PKD1L1: variants seen among roughly 807,000 people sequenced by gnomAD.
PKD1L1 encodes polycystin 1 like 1, transient receptor potential channel interacting.
PKD1L1 carries 236 observed loss-of-function variants against 323.4 expected under a neutral mutation model. The observed-to-expected ratio is 0.73, with a 90% CI of 0.66 to 0.81. The LOEUF (loss-of-function observed/expected upper bound fraction) is 0.81, where lower values mean the gene tolerates loss of function less well. Ranked by LOEUF, PKD1L1 falls within the 40% of genes least tolerant of loss-of-function variation. The pLI, the probability that PKD1L1 is intolerant of heterozygous loss-of-function variation, is 0.00. For missense variants in PKD1L1, 3,320 were observed against 3,508.0 expected (o/e 0.95, Z 1.35); for synonymous variants, 1,344 against 1,335.0 (o/e 1.01, Z -0.15).
At chr7:47,863,550 G>C (rs72601616) in intron 26 of PKD1L1, among the ~76,000 whole-genome samples, 9,818 of 152,104 alleles carry the variant, frequency 0.065, 382 homozygotes, top group Non-Finnish European at 0.071. Flanking sequence ...AAATCATGTC[G>C]TGAAGCCTAG....
In PKD1L1 at chr7:47,836,956, GAC is replaced by G. The variant is rs1394463315; in HGVS notation, c.5906_5907del (p.Cys1969SerfsTer64). 6.2e-7 allele frequency: 1 copy of G among 1,614,166 alleles called. No homozygotes were observed. The highest frequency in any genetic ancestry group is 8.5e-7 in the Non-Finnish European group (1 of 1,180,020). ...VSFSLLCVYA[C>X]LTALVAAGGQ... ...CCTCCAGCAGCAACCAGGGCAGTGAGACACGCGTAGACGCACAGCAGGGAGAA... is the reference window on the plus strand; with the variant it reads ...CCTCCAGCAGCAACCAGGGCAGTGAGACGCGTAGACGCACAGCAGGGAGAA... On this transcript the variant is annotated frameshift_variant, in exon 37 of 57. Transcript: ENST00000289672. LOFTEE classifies it high-confidence loss of function.
chr7:47,929,541 G>C lies in PKD1L1; in HGVS notation c.738-15C>G, dbSNP rs543134152. 5.6e-6 allele frequency: 9 copies of C among 1,600,140 alleles called. No individual in the cohort carries two copies. The East Asian group carries it at 2.0e-4, about 36-fold the overall frequency. ...GGCCGTGGGAGCTGTGGGAGAGAGG[G>C]AGAGGCTTCAGATTTCATGACAGTG... On this transcript the variant is annotated splice_polypyrimidine_tract_variant and intron_variant, in intron 6 of 56. Coordinates refer to ENST00000289672, the MANE Select transcript of PKD1L1 (RefSeq NM_138295.5).
At chr7:47,928,931 G>A (rs1787706405) in intron 7 of PKD1L1, among the ~76,000 whole-genome samples, 1 of 152,072 alleles carries the variant, frequency 6.6e-6, no homozygotes, top group African/African-American at 2.4e-5. Context: ...GGGACCTCAG[G>A]GCAAGTCCCC....
At chr7:47,890,519 G>A (rs1786787633) in intron 16 of PKD1L1, 23 bp downstream of exon 16, 2 of 1,608,144 alleles carry the variant, frequency 1.2e-6, no homozygotes. Context: ...GAGCTGAGCT[G>A]TGCTGAATAC....
chr7:47,924,483 AT>A (rs1430847228), intron 7 of PKD1L1, among the ~76,000 whole-genome samples: 1 of 152,192 alleles, frequency 6.6e-6, no homozygotes, highest in Admixed American at 6.5e-5. Context: ...AAAGTTACAC[AT>A]TTTGCAACCC....
chr7:47,873,750 T>C, intron 24 of PKD1L1, 149 bp downstream of exon 24: 1 of 561,522 alleles, frequency 1.8e-6, no homozygotes, highest in Non-Finnish European at 3.1e-6. Context: ...AGGATTGCAG[T>C]GATAGCACCC....
At chr7:47,815,225 T>A (rs1447293063) in intron 47 of PKD1L1, 109 bp downstream of exon 47, 20 of 1,396,958 alleles carry the variant, frequency 1.4e-5, no homozygotes, top group Non-Finnish European at 1.3e-5. Flanking sequence ...ACCTGCATGG[T>A]CATTCAAGAA....
chr7:47,857,345 C>T (rs1440390176), intron 28 of PKD1L1, among the ~76,000 whole-genome samples: 1 of 152,160 alleles, frequency 6.6e-6, no homozygotes, highest in Non-Finnish European at 1.5e-5. Flanking sequence ...TAGAAGGCCT[C>T]AAGGAAACAG....
chr7:47,864,577 T>TTTC (rs1786107982), intron 26 of PKD1L1, among the ~76,000 whole-genome samples: 1 of 11,472 alleles, frequency 8.7e-5, no homozygotes, highest in South Asian at 3.4e-3. Flanking sequence ...TTTTCTTTCT[T>TTTC]TTCTTTCTTT....
intron 45 of PKD1L1, among the ~76,000 whole-genome samples, chr7:47,823,594 T>C (rs978139862): frequency 6.6e-6 from 1 of 152,204 alleles, no homozygotes; most frequent in African/African-American, 2.4e-5. Context: ...GGTTGCCTCA[T>C]AGATGATGGT....
intron 21 of PKD1L1, among the ~76,000 whole-genome samples, chr7:47,879,673 C>T (rs1249494660): frequency 1.4e-5 from 2 of 144,190 alleles, no homozygotes; most frequent in Admixed American, 6.9e-5. Flanking sequence ...GTGGCTCACG[C>T]CTGTAATCCC....
chr7:47,795,442 ATGTAAGTCCAATTAAACTTCTTTT>A, intron 55 of PKD1L1: 1 of 439,408 alleles, frequency 2.3e-6, no homozygotes, highest in Non-Finnish European at 4.5e-6. Flanking sequence ...TCATGTGGAA[ATGTAAGTCCAATTAAACTTCTTTT>A]TGTTCCCAGT....
chr7:47,833,230 G>A lies in PKD1L1; in HGVS notation c.6197C>T (p.Ser2066Phe). 6.2e-7 allele frequency: 1 copy of A among 1,613,092 alleles called. No individual in the cohort carries two copies. Among genetic ancestry groups the A allele is most frequent in the Non-Finnish European group, 8.5e-7 (1 of 1,179,540 alleles). ...PRKQPASAIL[S>F]GSGRAQRKAA... ...CTTCCTTTGGGCCCTGCCACTCCCAGAGAGAATGGCTGATGCAGGTTGCTA... is the reference window on the plus strand; with the variant it reads ...CTTCCTTTGGGCCCTGCCACTCCCAAAGAGAATGGCTGATGCAGGTTGCTA... Residue 2066 changes from serine to phenylalanine, a missense_variant, in exon 41 of 57, where the codon TCT becomes TTT. Transcript: ENST00000289672.
intron 7 of PKD1L1, among the ~76,000 whole-genome samples, chr7:47,926,571 C>A (rs1787659680): frequency 6.6e-6 from 1 of 152,152 alleles, no homozygotes; most frequent in Non-Finnish European, 1.5e-5. Context: ...AAAAATTTTA[C>A]TTAGTTTGAT....
At chr7:47,901,310 C>T (rs1678766100) in intron 13 of PKD1L1, among the ~76,000 whole-genome samples, 1 of 138,116 alleles carries the variant, frequency 7.2e-6, no homozygotes, top group Admixed American at 7.5e-5. Flanking sequence ...TGCACTCCAG[C>T]CTGGGCAACA....
intron 3 of PKD1L1, among the ~76,000 whole-genome samples, chr7:47,938,520 A>G (rs1234046920): frequency 1.3e-5 from 2 of 152,200 alleles, no homozygotes; most frequent in South Asian, 4.1e-4. Context: ...GGGCTTTGCA[A>G]GACACTATCC....
chr7:47,823,183 G>A (rs1785181138), intron 45 of PKD1L1, among the ~76,000 whole-genome samples: 1 of 152,190 alleles, frequency 6.6e-6, no homozygotes, highest in Non-Finnish European at 1.5e-5. Flanking sequence ...TAAGTATGAT[G>A]TTAGGTGTCG....
intron 1 of PKD1L1, 100 bp downstream of exon 1, chr7:47,948,297 T>G: frequency 1.3e-5 from 18 of 1,390,832 alleles, no homozygotes; most frequent in Non-Finnish European, 1.7e-5. Context: ...CGTGCCAGAG[T>G]GAGCCCACAT....
chr7:47,808,138 T>C (rs1431517348), intron 52 of PKD1L1, 109 bp downstream of exon 52: 1 of 1,369,882 alleles, frequency 7.3e-7, no homozygotes, highest in East Asian at 2.4e-5. Context: ...TCTCTCGATA[T>C]CAAACAAATC....
Sources: gnomAD v4.1 joint callset for allele counts (sites outside exome capture counted in the v4.1 genomes callset) on GRCh38, gnomAD v4.1.1 for gene constraint, MANE v1.5 for transcripts, NCBI Gene and HGNC (gene_info 2026-07-23, HGNC 2026-07-21) for gene names.